Variants in CNTNAP5 observed in about 807,000 individuals in gnomAD.
The protein encoded by CNTNAP5 is contactin associated protein family member 5.
A neutral mutation model predicts 150.2 loss-of-function variants in CNTNAP5; 72 were observed. That is an observed-to-expected ratio of 0.48 (90% CI 0.40 to 0.58). The LOEUF is 0.58. CNTNAP5 is among the 20% of genes least tolerant of loss of function. CNTNAP5 has a pLI of 0.00. For missense variants in CNTNAP5, 1,636 were observed against 1,626.2 expected, an observed-to-expected ratio of 1.01 and a Z score of -0.10; for synonymous variants, 672 against 619.8, an observed-to-expected ratio of 1.08 and a Z score of -1.25.
chr2:124,883,087 T>C (rs1392040869), intron 21 of CNTNAP5, among the ~76,000 whole-genome samples: 1 of 126,748 alleles, frequency 7.9e-6, no homozygotes, highest in Non-Finnish European at 1.7e-5. Context: ...TTTTTTTTTT[T>C]TGAGACTATC....
At chr2:124,910,100 C>G (rs1024921832) in intron 22 of CNTNAP5, among the ~76,000 whole-genome samples, 1 of 151,746 alleles carries the variant, frequency 6.6e-6, no homozygotes, top group African/African-American at 2.4e-5. Context: ...TAGGAAAAGG[C>G]CACCCCTGGA....
chr2:124,884,138 A>G (rs896814825), intron 21 of CNTNAP5, among the ~76,000 whole-genome samples: 5 of 151,926 alleles, frequency 3.3e-5, no homozygotes, highest in African/African-American at 9.7e-5. Flanking sequence ...TTCTATGTAT[A>G]TGTGTATTTG....
chr2:124,478,984 C>T lies in CNTNAP5; in HGVS notation c.1062+4102C>T, dbSNP rs560298523. 2.0e-5 allele frequency among the ~76,000 whole-genome samples: 3 copies of T among 152,242 alleles called. No homozygotes were observed. In the South Asian group the frequency reaches 6.2e-4, roughly 32 times the overall value. On this transcript the variant is annotated intron_variant, in intron 7 of 23. Coordinates refer to ENST00000682447, the MANE Select transcript of CNTNAP5 (RefSeq NM_001367498.1). ...GTCATCTCTTTCTTGTGGGACCTTC[C>T]CACTCCCTGGAGACTTAACAGCTGT...
intron 13 of CNTNAP5, among the ~76,000 whole-genome samples, chr2:124,676,964 G>C (rs1678954119): frequency 6.6e-6 from 1 of 152,218 alleles, no homozygotes; most frequent in Middle Eastern, 3.2e-3. Flanking sequence ...TTACTGGGAA[G>C]TGTGGAGCAT....
At chr2:124,669,041 GCC>G (rs1204008468) in intron 13 of CNTNAP5, among the ~76,000 whole-genome samples, 2 of 152,138 alleles carry the variant, frequency 1.3e-5, no homozygotes, top group East Asian at 3.9e-4. Context: ...CCTCTGTGAA[GCC>G]CACCCTGATT....
intron 3 of CNTNAP5, among the ~76,000 whole-genome samples, chr2:124,323,528 C>T (rs149467360): frequency 1.5e-3 from 234 of 152,222 alleles, no homozygotes; most frequent in African/African-American, 5.3e-3. Context: ...CAGGAGAGGA[C>T]GACACCTGTG....
intron 5 of CNTNAP5, among the ~76,000 whole-genome samples, chr2:124,441,698 C>T (rs893310112): frequency 3.3e-5 from 5 of 151,296 alleles, no homozygotes; most frequent in African/African-American, 1.2e-4. Context: ...TTTTTTTCTC[C>T]TTCCAAATTA....
At position 124,098,216 on chromosome 2, in the gene CNTNAP5, T is replaced by C. The variant is rs74353081; in HGVS notation, c.82+72484T>C. On this transcript the variant is annotated intron_variant, in intron 1 of 23. Transcript: ENST00000682447. ...ATAAAGAAGGTTACAGTAAAGAAAA[T>C]GATACTAAGGAAATCAAAAGGAAGA... Among the ~76,000 whole-genome samples, 1,134 of 152,242 alleles carry C rather than the reference T, an allele frequency of 7.4e-3. 7 individuals are homozygous for C. Among genetic ancestry groups the C allele is most frequent in the Non-Finnish European group, 0.011 (746 of 68,020 alleles).
chr2:124,372,958 A>G, intron 3 of CNTNAP5, among the ~76,000 whole-genome samples: 1 of 152,146 alleles, frequency 6.6e-6, no homozygotes, highest in East Asian at 1.9e-4. Context: ...TGGTTGAAGC[A>G]CACTTGAGGA....
chr2:124,644,466 A>T (rs150735285), intron 12 of CNTNAP5, among the ~76,000 whole-genome samples: 90 of 152,358 alleles, frequency 5.9e-4, no homozygotes, highest in African/African-American at 1.9e-3. Flanking sequence ...CTTTATTGCC[A>T]AAAACAATAT....
chr2:124,276,505 T>G (rs1410464223), intron 3 of CNTNAP5, among the ~76,000 whole-genome samples: 1 of 152,174 alleles, frequency 6.6e-6, no homozygotes, highest in Non-Finnish European at 1.5e-5. Context: ...GATTTCAAAA[T>G]ATTAATTCAT....
At chr2:124,590,859 G>A (rs1696662267) in intron 11 of CNTNAP5, among the ~76,000 whole-genome samples, 2 of 152,120 alleles carry the variant, frequency 1.3e-5, no homozygotes, top group South Asian at 4.1e-4. Context: ...TACTTGAAAA[G>A]GTGAGGTCTA....
chr2:124,051,505 G>A (rs911633295), intron 1 of CNTNAP5, among the ~76,000 whole-genome samples: 3 of 152,212 alleles, frequency 2.0e-5, no homozygotes, highest in Admixed American at 6.5e-5. Flanking sequence ...ATTAAAAATG[G>A]CATATGACAG....
chr2:124,511,039 T>C (rs992613397), intron 8 of CNTNAP5, among the ~76,000 whole-genome samples: 1 of 152,206 alleles, frequency 6.6e-6, no homozygotes. Context: ...TACCCTTTCA[T>C]TGAGCAATAG....
chr2:124,337,275 C>G (rs1460088433), intron 3 of CNTNAP5, among the ~76,000 whole-genome samples: 2 of 152,056 alleles, frequency 1.3e-5, no homozygotes, highest in East Asian at 3.9e-4. Context: ...GATATTAGCC[C>G]TTTGTCAGAT....
chr2:124,088,382 A>G (rs78059356), intron 1 of CNTNAP5, among the ~76,000 whole-genome samples: 14,943 of 152,062 alleles, frequency 0.098, 800 homozygotes, highest in Non-Finnish European at 0.12. Context: ...GATTACTGAA[A>G]CATTTTATCA....
intron 1 of CNTNAP5, among the ~76,000 whole-genome samples, chr2:124,082,412 T>A (rs1682581377): frequency 6.6e-6 from 1 of 151,154 alleles, no homozygotes; most frequent in African/African-American, 2.4e-5. Context: ...TTGGCTTTTA[T>A]CATTTAACTT....
chr2:124,217,396 C>A (rs1170606), intron 1 of CNTNAP5, among the ~76,000 whole-genome samples: 24,691 of 152,016 alleles, frequency 0.16, 2,321 homozygotes, highest in East Asian at 0.35. Flanking sequence ...CATGTGGAGC[C>A]TGAAATTGAA....
chr2:124,691,769 A>G (rs1042339223), intron 13 of CNTNAP5, among the ~76,000 whole-genome samples: 4 of 151,958 alleles, frequency 2.6e-5, no homozygotes, highest in Non-Finnish European at 5.9e-5. Flanking sequence ...TGCACACACT[A>G]TTGTACTAGA....
Sources: allele counts gnomAD v4.1 joint callset (sites outside exome capture counted in the v4.1 genomes callset), GRCh38; gene constraint gnomAD v4.1.1; transcripts MANE v1.5; gene names NCBI Gene and HGNC (gene_info 2026-07-23, HGNC 2026-07-21).